Variants in CA1 observed in about 807,000 individuals in gnomAD.
CA1 encodes carbonate dehydratase I.
CA1 carries 27 observed loss-of-function variants against 28.8 expected under a neutral mutation model. The observed-to-expected ratio is 0.94, with a 90% CI of 0.69 to 1.29. The LOEUF (loss-of-function observed/expected upper bound fraction) is 1.29. CA1 is among the 50% of genes most tolerant of loss of function. The probability of loss-of-function intolerance (pLI) is 0.00; values close to 1 mark genes in which losing one functional copy is unlikely to be tolerated. For missense variants in CA1, 335 were observed against 310.5 expected, an observed-to-expected ratio of 1.08 and a Z score of -0.59; for synonymous variants, 121 against 108.8, an observed-to-expected ratio of 1.11 and a Z score of -0.70.
At chr8:85,367,019 AT>A (rs929819654) in intron 1 of CA1, among the ~76,000 whole-genome samples, 1 of 152,012 alleles carries the variant, frequency 6.6e-6, no homozygotes, top group Non-Finnish European at 1.5e-5. Context: ...AATTATTTAA[AT>A]TTTTTCTTAA....
intron 2 of CA1, among the ~76,000 whole-genome samples, chr8:85,340,846 CA>C (rs1808883919): frequency 6.6e-6 from 1 of 152,090 alleles, no homozygotes; most frequent in African/African-American, 2.4e-5. Flanking sequence ...CCTCCACCAT[CA>C]AAAAGATTAA....
chr8:85,332,633 C>T, intron 5 of CA1, 81 bp from the exon 6 acceptor site: 1 of 974,308 alleles, frequency 1.0e-6, no homozygotes, highest in Non-Finnish European at 1.6e-6. Context: ...AATTTTTTTT[C>T]AATTAACAAC....
At chr8:85,347,928 A>G (rs1484343999) in intron 1 of CA1, among the ~76,000 whole-genome samples, 1 of 152,204 alleles carries the variant, frequency 6.6e-6, no homozygotes, top group Non-Finnish European at 1.5e-5. Context: ...TATATGAACA[A>G]AAGTTATTTA....
At chr8:85,360,952 C>G (rs1809771412) in intron 1 of CA1, among the ~76,000 whole-genome samples, 1 of 152,202 alleles carries the variant, frequency 6.6e-6, no homozygotes, top group African/African-American at 2.4e-5. Flanking sequence ...AACCACCAGG[C>G]CCTGGGGAGA....
intron 4 of CA1, among the ~76,000 whole-genome samples, chr8:85,336,242 T>C (rs1227103611): frequency 6.6e-6 from 1 of 152,154 alleles, no homozygotes. Context: ...TAGAATTCAT[T>C]TGATGAAAGT....
chr8:85,339,272 C>T (rs753846635), intron 2 of CA1, among the ~76,000 whole-genome samples: 7 of 152,110 alleles, frequency 4.6e-5, no homozygotes, highest in Non-Finnish European at 7.3e-5. Context: ...GTTTATTTCA[C>T]GTCTCTGTGT....
At chr8:85,367,993 CACTT>C (rs1810074269) in intron 1 of CA1, among the ~76,000 whole-genome samples, 2 of 152,054 alleles carry the variant, frequency 1.3e-5, no homozygotes, top group South Asian at 4.2e-4. Flanking sequence ...TATTAAATCT[CACTT>C]ATTTTCTTTT....
intron 1 of CA1, among the ~76,000 whole-genome samples, chr8:85,355,159 A>T (rs777803701): frequency 6.6e-6 from 1 of 152,156 alleles, no homozygotes; most frequent in Non-Finnish European, 1.5e-5. Context: ...GGGTCAAGTG[A>T]CTGCTTGAAC....
intron 1 of CA1, among the ~76,000 whole-genome samples, chr8:85,350,533 G>A (rs1381404715): frequency 6.6e-6 from 1 of 152,068 alleles, no homozygotes; most frequent in Non-Finnish European, 1.5e-5. Context: ...AGACTGTCCC[G>A]GACTCTGCCT....
At chr8:85,372,122 T>C (rs1480344485) in intron 1 of CA1, among the ~76,000 whole-genome samples, 2 of 152,194 alleles carry the variant, frequency 1.3e-5, no homozygotes, top group African/African-American at 4.8e-5. Flanking sequence ...CATGTTTATT[T>C]TTATCCTCAT....
At chr8:85,356,627 A>G (rs1408554834) in intron 1 of CA1, among the ~76,000 whole-genome samples, 1 of 152,172 alleles carries the variant, frequency 6.6e-6, no homozygotes, top group East Asian at 1.9e-4. Context: ...GTTTAACTGA[A>G]GTGAATACCA....
Position 85,348,471 on chromosome 8 carries a change from A to T in CA1, c.-24-6812T>A, listed in dbSNP as rs529113789. ...TTTACTCTGATCTTTGTCTTAGTAG[A>T]TCTATCAAAGAAAAGTGGCAAGAGC... is the stretch of plus-strand genomic sequence containing the variant. On this transcript the variant is annotated intron_variant, in intron 1 of 7. Transcript: ENST00000523022. Among the ~76,000 whole-genome samples, 4 of 152,306 alleles carry T rather than the reference A, an allele frequency of 2.6e-5. No homozygotes were observed. The South Asian group carries it at 6.2e-4, about 24-fold the overall frequency.
chr8:85,373,157 C>G (rs2466767), intron 1 of CA1, among the ~76,000 whole-genome samples: 1 of 152,184 alleles, frequency 6.6e-6, no homozygotes, highest in Non-Finnish European at 1.5e-5. Context: ...TGTTGCAACT[C>G]AAACTGTAAA....
At chr8:85,354,503 ATC>A (rs1290380004) in intron 1 of CA1, among the ~76,000 whole-genome samples, 14 of 152,276 alleles carry the variant, frequency 9.2e-5, no homozygotes, top group African/African-American at 3.1e-4. Context: ...TCTAAAAAAT[ATC>A]TGTTTCCTCA....
chr8:85,344,709 A>G (rs1809108451), intron 1 of CA1, among the ~76,000 whole-genome samples: 2 of 152,166 alleles, frequency 1.3e-5, no homozygotes, highest in Admixed American at 1.3e-4. Flanking sequence ...AAAAAGTGAA[A>G]AAGAGTGCCA....
chr8:85,359,151 G>A (rs1482929632), intron 1 of CA1, among the ~76,000 whole-genome samples: 1 of 152,156 alleles, frequency 6.6e-6, no homozygotes, highest in Non-Finnish European at 1.5e-5. Context: ...TGAAGGAAGG[G>A]AAGACTTATT....
chr8:85,333,807 TAG>T (rs1315877269), intron 4 of CA1, among the ~76,000 whole-genome samples, 187 bp from the exon 5 acceptor site: 2 of 152,344 alleles, frequency 1.3e-5, no homozygotes, highest in South Asian at 2.1e-4. Flanking sequence ...GTGTGCCAGG[TAG>T]AGATTACAAA....
chr8:85,364,331 A>G (rs1016655933), intron 1 of CA1, among the ~76,000 whole-genome samples: 5 of 152,224 alleles, frequency 3.3e-5, no homozygotes, highest in Non-Finnish European at 7.3e-5. Flanking sequence ...TTGCATTGCC[A>G]TAGAGTTTGT....
intron 1 of CA1, chr8:85,343,244 T>A (rs1186822720): frequency 6.6e-6 from 1 of 152,014 alleles, no homozygotes; most frequent in Non-Finnish European, 1.5e-5. Flanking sequence ...AGAAAAAAAT[T>A]GTGTTTTACA....
Sources: gnomAD v4.1 joint callset for allele counts (sites outside exome capture counted in the v4.1 genomes callset) on GRCh38, gnomAD v4.1.1 for gene constraint, MANE v1.5 for transcripts, NCBI Gene and HGNC (gene_info 2026-07-23, HGNC 2026-07-21) for gene names.